Variants in EVC2 observed in about 807,000 individuals in gnomAD.
The protein encoded by EVC2 is EvC ciliary complex subunit 2.
Under a neutral mutation model 149.3 loss-of-function variants are expected in EVC2, and 148 were observed. The ratio of observed to expected loss-of-function variants is 0.99; its 90% CI spans 0.87 to 1.14. The LOEUF is 1.14. EVC2 is among the 50% of genes most tolerant of loss of function. The pLI is 0.00. For missense variants in EVC2, 1,854 were observed against 1,627.3 expected, an observed-to-expected ratio of 1.14 and a Z score of -2.40; for synonymous variants, 776 against 649.9, an observed-to-expected ratio of 1.19 and a Z score of -2.95.
intron 4 of EVC2, among the ~76,000 whole-genome samples, 157 bp from the exon 5 acceptor site, chr4:5,689,500 T>G (rs995458546): frequency 6.6e-6 from 1 of 152,184 alleles, no homozygotes; most frequent in South Asian, 2.1e-4. Flanking sequence ...TCAGTATGAT[T>G]TCAAAGACCC....
At chr4:5,687,187 G>T (rs998512807) in intron 5 of EVC2, among the ~76,000 whole-genome samples, 2 of 152,288 alleles carry the variant, frequency 1.3e-5, no homozygotes, top group African/African-American at 4.8e-5. Context: ...AATTCGGCAG[G>T]TGGAGGTTGC....
At chr4:5,683,665 C>G (rs891150487) in intron 6 of EVC2, among the ~76,000 whole-genome samples, 2 of 152,060 alleles carry the variant, frequency 1.3e-5, no homozygotes, top group African/African-American at 4.8e-5. Context: ...ACAGGCGGGA[C>G]TATTTCAGGG....
rs73198120 is a variant in EVC2, at chr4:5,613,051, C to T, written c.2829+2371G>A. On this transcript the variant is annotated intron_variant, in intron 16 of 21. Coordinates refer to ENST00000344408, the MANE Select transcript of EVC2 (RefSeq NM_147127.5). The surrounding 1 kb of genome is among the most constrained non-coding windows in gnomAD (Gnocchi z 4.6). The stretch of plus-strand genomic sequence containing the variant: ...CTTGAGCCACTGGGTGGGAGCGGTG[C>T]GGTCTGCACCTGATGTCCCCATGGG... Among the ~76,000 whole-genome samples, 588 of 151,644 alleles carry T rather than the reference C, an allele frequency of 3.9e-3. 3 individuals are homozygous for T. The highest frequency in any genetic ancestry group is 6.8e-3 in the Middle Eastern group (2 of 292).
intron 4 of EVC2, among the ~76,000 whole-genome samples, chr4:5,690,109 G>A (rs954236035): frequency 1.3e-5 from 2 of 152,250 alleles, no homozygotes; most frequent in African/African-American, 2.4e-5. Flanking sequence ...GGGGGAGAAA[G>A]AAGGTACATC....
At chr4:5,534,990 T>G in the EVC2 span, among the ~76,000 whole-genome samples, 1 of 152,154 alleles carries the variant, frequency 6.6e-6, no homozygotes, top group African/African-American at 2.4e-5. Context: ...AAGCTGCAAG[T>G]TTCAAATATG....
At chr4:5,608,476 C>T (rs962928822) in intron 16 of EVC2, among the ~76,000 whole-genome samples, 1 of 152,226 alleles carries the variant, frequency 6.6e-6, no homozygotes, top group South Asian at 2.1e-4. Context: ...GCTGGTAAAA[C>T]ATTATTTTGG....
intron 16 of EVC2, among the ~76,000 whole-genome samples, chr4:5,601,806 G>A (rs550536319): frequency 1.3e-5 from 2 of 152,336 alleles, no homozygotes; most frequent in African/African-American, 4.8e-5. Context: ...AAAGAGAGGA[G>A]TGAAGGGAAT....
the EVC2 span, among the ~76,000 whole-genome samples, chr4:5,536,170 A>G: frequency 1.3e-5 from 2 of 152,010 alleles, no homozygotes; most frequent in Non-Finnish European, 2.9e-5. Context: ...TTAAACATAG[A>G]CCCATGCAAA....
At position 5,700,031 on chromosome 4, in the gene EVC2, T is replaced by C. The variant is rs575555335; in HGVS notation, c.229-2384A>G. Among the ~76,000 whole-genome samples the C allele has an allele frequency of 2.0e-5, 3 of 151,960 alleles. No homozygotes were observed. The South Asian group carries it at 6.2e-4, about 32-fold the overall frequency. ...TGGTGGGTGCCTGAATCCCAGCTAC[T>C]TGGGAGGCTGAAGCAGGAGAATCAC... On this transcript the variant is annotated intron_variant, in intron 1 of 21. Transcript: ENST00000344408.
At chr4:5,697,175 G>A (rs926710438) in intron 2 of EVC2, among the ~76,000 whole-genome samples, 1 of 152,218 alleles carries the variant, frequency 6.6e-6, no homozygotes, top group African/African-American at 2.4e-5. Flanking sequence ...TCCAGAGGGA[G>A]CAGACAGACA....
At chr4:5,658,535 G>A (rs1363297278) in intron 9 of EVC2, among the ~76,000 whole-genome samples, 1 of 152,198 alleles carries the variant, frequency 6.6e-6, no homozygotes, top group Non-Finnish European at 1.5e-5. Flanking sequence ...ACAGTTTAGA[G>A]GTAATGTTGG....
chr4:5,657,028 C>T lies in EVC2; in HGVS notation c.1145+6079G>A, dbSNP rs1045185885. 5.3e-5 allele frequency among the ~76,000 whole-genome samples: 8 copies of T among 152,128 alleles called. No homozygotes were observed. Among genetic ancestry groups the T allele is most frequent in the Non-Finnish European group, 8.8e-5 (6 of 68,022 alleles). On this transcript the variant is annotated intron_variant, in intron 9 of 21. Coordinates refer to ENST00000344408, the MANE Select transcript of EVC2 (RefSeq NM_147127.5). This position sits in a 1 kb window ranked among gnomAD's most constrained non-coding sequence, Gnocchi z 4.7. ...TGGGACTCAACGCTAGCAGTCAGGCCTGGGTTTTAACCACTGGGCTCTATG... is the reference window on the plus strand; with the variant it reads ...TGGGACTCAACGCTAGCAGTCAGGCTTGGGTTTTAACCACTGGGCTCTATG...
chr4:5,590,466 A>G (rs769550868), intron 16 of EVC2, among the ~76,000 whole-genome samples: 1 of 152,130 alleles, frequency 6.6e-6, no homozygotes, highest in Admixed American at 6.5e-5. Context: ...TCCCTCCCTC[A>G]CTAACCATCA....
chr4:5,700,364 C>T (rs1292996201), intron 1 of EVC2, among the ~76,000 whole-genome samples: 1 of 151,424 alleles, frequency 6.6e-6, no homozygotes, highest in Non-Finnish European at 1.5e-5. Flanking sequence ...GTGCACCGAA[C>T]TCCACACAAA....
chr4:5,575,317 CA>C (rs1560132138), intron 18 of EVC2, among the ~76,000 whole-genome samples: 1 of 152,216 alleles, frequency 6.6e-6, no homozygotes, highest in African/African-American at 2.4e-5. Context: ...CAACTCAAAT[CA>C]AAAGTTTGAA....
downstream of EVC2, among the ~76,000 whole-genome samples, chr4:5,558,194 A>G (rs1721873652): frequency 6.6e-6 from 1 of 152,222 alleles, no homozygotes; most frequent in Non-Finnish European, 1.5e-5. Context: ...ATAGTGTGGT[A>G]TTGGTGAAGG....
In EVC2 at chr4:5,631,980, T is replaced by C. The variant is rs1391224065; in HGVS notation, c.1523A>G (p.Glu508Gly). 1.9e-6 allele frequency: 3 copies of C among 1,614,094 alleles called. No individual in the cohort carries two copies. The highest frequency in any genetic ancestry group is 2.2e-5 in the South Asian group (2 of 91,086). The change falls in exon 11 of 22, where the codon GAG becomes GGG. Residue 508 changes from glutamate (E) to glycine (G), a missense_variant. Physicochemically the swap from Glu to Gly is moderately conservative, Grantham distance 98 (BLOSUM62 -2). Transcript: ENST00000344408. ...LLRTLHGLEQ[E>G]HLRKSLALQQ... ...CAAAGCGAGAGACTTCCTCAAGTGC[T>C]CCTGTTCCAGGCCATGGAGGGTCCG... is the stretch of plus-strand genomic sequence containing the variant.
chr4:5,645,171 T>C (rs10024640), intron 9 of EVC2, among the ~76,000 whole-genome samples: 61,154 of 151,722 alleles, frequency 0.4, 12,644 homozygotes, highest in East Asian at 0.48. Context: ...CGTGAATCCA[T>C]AGGTTCAAGT....
chr4:5,699,895 C>A (rs1205089050), intron 1 of EVC2, among the ~76,000 whole-genome samples: 1 of 152,092 alleles, frequency 6.6e-6, no homozygotes, highest in Non-Finnish European at 1.5e-5. Flanking sequence ...AATCCCAGCA[C>A]TTTGGGAGGC....
Sources: allele counts gnomAD v4.1 joint callset (sites outside exome capture counted in the v4.1 genomes callset), GRCh38; gene constraint gnomAD v4.1.1; non-coding constraint Gnocchi (gnomAD v3.1); transcripts MANE v1.5; gene names NCBI Gene and HGNC (gene_info 2026-07-23, HGNC 2026-07-21).